Variants in DAB1 observed in about 807,000 individuals in gnomAD.
The protein encoded by DAB1 is DAB adaptor protein 1.
DAB1 carries 15 observed loss-of-function variants against 64.6 expected under a neutral mutation model. That is an observed-to-expected ratio of 0.23 (90% confidence interval 0.16 to 0.36). The LOEUF is 0.36. Among genes scored for constraint, DAB1 ranks in the 10% least tolerant of loss-of-function variants. The pLI is 1.00. For missense variants in DAB1, 596 were observed against 706.7 expected, an observed-to-expected ratio of 0.84 and a Z score of 1.78; for synonymous variants, 235 against 251.9, an observed-to-expected ratio of 0.93 and a Z score of 0.64.
At chr1:57,424,491 A>AG (rs1343893047), upstream of DAB1, among the ~76,000 whole-genome samples, 1 of 152,126 alleles carries the variant, frequency 6.6e-6, no homozygotes, top group African/African-American at 2.4e-5. Flanking sequence ...AGGGTAAGGG[A>AG]GGGGGGTTGT....
At chr1:56,998,788 G>GC (rs1645731862) in intron 14 of DAB1, among the ~76,000 whole-genome samples, 1 of 151,938 alleles carries the variant, frequency 6.6e-6, no homozygotes, top group Non-Finnish European at 1.5e-5. Flanking sequence ...TCATTTGCCT[G>GC]CACCCAGGGG....
chr1:58,356,923 C>T (rs1009814977), intron 3 of DAB1, among the ~76,000 whole-genome samples: 1 of 150,184 alleles, frequency 6.7e-6, no homozygotes, highest in African/African-American at 2.5e-5. Context: ...TACTCAGGAG[C>T]CTGAGGTGGG....
intron 1 of DAB1, among the ~76,000 whole-genome samples, chr1:57,859,622 A>G (rs1653916223): frequency 6.6e-6 from 1 of 152,162 alleles, no homozygotes; most frequent in Non-Finnish European, 1.5e-5. Flanking sequence ...ATTCTCATTC[A>G]TCCTTTGGCT....
intron 4 of DAB1, among the ~76,000 whole-genome samples, chr1:58,334,518 T>C (rs1332189803): frequency 1.3e-5 from 2 of 151,400 alleles, no homozygotes; most frequent in African/African-American, 4.8e-5. Flanking sequence ...CTACTGACCA[T>C]CATGGGTTAA....
intron 1 of DAB1, among the ~76,000 whole-genome samples, chr1:57,836,430 C>T (rs852787): frequency 0.16 from 24,479 of 152,214 alleles, 2,397 homozygotes; most frequent in Middle Eastern, 0.23. Flanking sequence ...GTCATCCTAT[C>T]TCCTTCTCTC....
intron 5 of DAB1, among the ~76,000 whole-genome samples, chr1:58,016,642 A>T (rs1646743916): frequency 6.6e-6 from 1 of 152,062 alleles, no homozygotes; most frequent in African/African-American, 2.4e-5. Context: ...CATCACCTTG[A>T]GCTGCTCAAA....
rs528480695 is a variant in DAB1, at chr1:57,894,375, T to C, written n.388-10213A>G. ...TTGCCACTGCTAACAGGGGGAGATA[T>C]GGTATGTGCTCATTTTAGGTAGGGA... On this transcript the variant is annotated intron_variant and non_coding_transcript_variant, in intron 5 of 20. Coordinates refer to the DAB1 transcript ENST00000485760. Among the ~76,000 whole-genome samples, 3 of 152,246 alleles carry C rather than the reference T, an allele frequency of 2.0e-5. No homozygotes were observed. In the South Asian group the frequency reaches 6.2e-4, roughly 32 times the overall value.
In DAB1 at chr1:57,854,790, C is replaced by T. The variant is rs547775622; in HGVS notation, n.88-28335G>A. ...AGATGTGGGGAAGATTTGGCTAAGG[C>T]GGTTATGATGCCAGAGACAGGGAAT... On this transcript the variant is annotated intron_variant and non_coding_transcript_variant, in intron 1 of 1. Transcript: ENST00000477280. Among the ~76,000 whole-genome samples the T allele has an allele frequency of 7.9e-5, 12 of 152,200 alleles. No homozygotes were observed. In the East Asian group the frequency reaches 1.5e-3, roughly 20 times the overall value.
At chr1:57,027,434 C>T (rs910365016) in intron 9 of DAB1, among the ~76,000 whole-genome samples, 1 of 152,166 alleles carries the variant, frequency 6.6e-6, no homozygotes, top group Non-Finnish European at 1.5e-5. Context: ...GCTGTGCTGC[C>T]CACTGCAATC....
At chr1:57,119,075 G>T (rs952103097) in intron 4 of DAB1, among the ~76,000 whole-genome samples, 1 of 152,176 alleles carries the variant, frequency 6.6e-6, no homozygotes, top group Non-Finnish European at 1.5e-5. Flanking sequence ...AACTGAGGCT[G>T]AAAGACTGCC....
At chr1:58,138,367 A>G (rs1654066417) in intron 5 of DAB1, among the ~76,000 whole-genome samples, 1 of 152,224 alleles carries the variant, frequency 6.6e-6, no homozygotes, top group Non-Finnish European at 1.5e-5. Context: ...AGTGGAAGAA[A>G]TAGCTCCTTG....
intron 4 of DAB1, among the ~76,000 whole-genome samples, chr1:58,233,379 A>T (rs1186111641): frequency 6.6e-6 from 1 of 152,138 alleles, no homozygotes; most frequent in Non-Finnish European, 1.5e-5. Context: ...ATGGTAAGTG[A>T]AGTAGCAGGG....
At chr1:57,166,638 G>T (rs1438719005) in intron 2 of DAB1, among the ~76,000 whole-genome samples, 1 of 152,306 alleles carries the variant, frequency 6.6e-6, no homozygotes, top group Middle Eastern at 3.4e-3. Flanking sequence ...TGGTATTGAA[G>T]TCAGGTCTCA....
intron 8 of DAB1, among the ~76,000 whole-genome samples, chr1:57,068,661 C>T (rs980056441): frequency 7.9e-5 from 12 of 152,226 alleles, no homozygotes; most frequent in East Asian, 5.8e-4. Context: ...TGCTGCTATA[C>T]GGCAGTTACA....
chr1:57,395,350 A>G (rs12744271), intron 1 of DAB1, among the ~76,000 whole-genome samples: 211 of 152,250 alleles, frequency 1.4e-3, no homozygotes, highest in Non-Finnish European at 2.6e-3. Context: ...AAATCCTACA[A>G]TATCACTTGG....
chr1:57,465,279 C>T (rs1470667581), intron 7 of DAB1, among the ~76,000 whole-genome samples: 1 of 152,178 alleles, frequency 6.6e-6, no homozygotes, highest in East Asian at 1.9e-4. Flanking sequence ...ACAGTTTTCC[C>T]TGTATCAGAG....
intron 4 of DAB1, among the ~76,000 whole-genome samples, chr1:58,284,900 C>G (rs761711453): frequency 5.9e-5 from 9 of 152,346 alleles, no homozygotes; most frequent in Admixed American, 1.3e-4. Context: ...TAGCCTAACT[C>G]CAGAGCATCT....
At chr1:57,421,902 C>CGGGG (rs1309675216) in intron 1 of DAB1, among the ~76,000 whole-genome samples, 18 of 11,704 alleles carry the variant, frequency 1.5e-3, no homozygotes, top group Admixed American at 2.4e-3. Context: ...TGGGGGGTGG[C>CGGGG]GGGGGGGGGG....
intron 6 of DAB1, among the ~76,000 whole-genome samples, chr1:57,746,551 C>T (rs1648278624): frequency 6.6e-6 from 1 of 151,944 alleles, no homozygotes. Flanking sequence ...TATAGTTCTC[C>T]CTTGGTGTCT....
Sources: allele counts gnomAD v4.1 joint callset (sites outside exome capture counted in the v4.1 genomes callset), GRCh38; gene constraint gnomAD v4.1.1; transcripts MANE v1.5; gene names NCBI Gene and HGNC (gene_info 2026-07-23, HGNC 2026-07-21).